CACNA1B: variants seen among roughly 807,000 people sequenced by gnomAD.
CACNA1B encodes the protein voltage-dependent N-type calcium channel subunit alpha-1B.
In CACNA1B, 70 loss-of-function variants were observed where a neutral mutation model predicts 247.2. That is an observed-to-expected ratio of 0.28 (90% CI 0.23 to 0.35). CACNA1B has a LOEUF of 0.35. Ranked by LOEUF, CACNA1B falls within the 10% of genes least tolerant of loss-of-function variation. CACNA1B has a pLI of 1.00. For synonymous variants in CACNA1B, 1,231 were observed against 1,294.4 expected (o/e 0.95, Z 1.05); for missense variants, 2,367 against 3,197.4 (o/e 0.74, Z 6.26).
chr9:137,890,621 G>A (rs1412819253), intron 3 of CACNA1B: 4 of 150,538 alleles, frequency 2.7e-5, no homozygotes, highest in African/African-American at 7.3e-5. Flanking sequence ...ACTGCAGGCC[G>A]GGCTCCAGGG....
rs74569187 is a variant in CACNA1B at position 137,971,702 on chromosome 9, A to C, written c.1543+110A>C. On this transcript the variant is annotated intron_variant, in intron 11 of 46. Transcript: ENST00000371372. This position sits in a 1 kb window ranked among gnomAD's most constrained non-coding sequence, Gnocchi z 4.4. ...CCCAGGTGGGACGGGACCCACCCCCATGTTGCTCAAAGTATCCCACAGCCC... is the reference window on the plus strand; with the variant it reads ...CCCAGGTGGGACGGGACCCACCCCCCTGTTGCTCAAAGTATCCCACAGCCC... The C allele has an allele frequency of 8.0e-6, 7 of 871,584 alleles. No homozygotes were observed. The highest frequency in any genetic ancestry group is 2.2e-5 in the Admixed American group (1 of 46,118). The allele number at this position is 871,584 out of a possible 1,614,324, so 54.0% of individuals were successfully genotyped here.
chr9:137,879,696 G>T (rs1016505409), intron 2 of CACNA1B, among the ~76,000 whole-genome samples: 5 of 152,194 alleles, frequency 3.3e-5, no homozygotes, highest in African/African-American at 7.2e-5. Context: ...CCTGTCCCCA[G>T]ATTCCAGCCA....
intron 10 of CACNA1B, among the ~76,000 whole-genome samples, chr9:137,970,933 C>A (rs1247694384): frequency 6.6e-6 from 1 of 152,200 alleles, no homozygotes; most frequent in Non-Finnish European, 1.5e-5. Flanking sequence ...GCAGCCCATG[C>A]GTGCTGACCC....
chr9:137,893,361 A>C (rs1297665217), intron 3 of CACNA1B, among the ~76,000 whole-genome samples: 1 of 151,386 alleles, frequency 6.6e-6, no homozygotes, highest in Non-Finnish European at 1.5e-5. Context: ...CTTTAAAAAA[A>C]AAAAAAACAC....
intron 15 of CACNA1B, among the ~76,000 whole-genome samples, chr9:137,989,291 C>T (rs1052898015): frequency 9.2e-5 from 14 of 152,110 alleles, no homozygotes; most frequent in Non-Finnish European, 1.8e-4. Flanking sequence ...GCAGAGTGAA[C>T]CGTACGCCGG....
intron 13 of CACNA1B, among the ~76,000 whole-genome samples, chr9:137,985,584 G>A (rs1406958709): frequency 6.6e-6 from 1 of 152,214 alleles, no homozygotes; most frequent in African/African-American, 2.4e-5. Flanking sequence ...AGGATAGCGG[G>A]GCCTCTGATG....
chr9:137,956,489 C>T (rs1957948811), intron 8 of CACNA1B, among the ~76,000 whole-genome samples: 1 of 152,120 alleles, frequency 6.6e-6, no homozygotes, highest in African/African-American at 2.4e-5. Flanking sequence ...GAAACCCCAT[C>T]TCTACTAAAA....
At chr9:137,910,470 G>A (rs928755020) in intron 3 of CACNA1B, among the ~76,000 whole-genome samples, 4 of 152,092 alleles carry the variant, frequency 2.6e-5, no homozygotes, top group East Asian at 1.9e-4. Flanking sequence ...ATTCAAGTGC[G>A]TTATTACATT....
intron 20 of CACNA1B, chr9:138,032,622 T>C: frequency 2.2e-6 from 1 of 449,802 alleles, no homozygotes; most frequent in South Asian, 1.6e-5. Context: ...TTTCCCTTCA[T>C]TCCTGAAGGG....
intron 6 of CACNA1B, among the ~76,000 whole-genome samples, chr9:137,920,534 C>T (rs1442894917): frequency 6.6e-6 from 1 of 152,230 alleles, no homozygotes; most frequent in East Asian, 1.9e-4. Context: ...CTGTATTTTC[C>T]ACTTGAAAGT....
chr9:138,033,964 A>G (rs1428770570), intron 20 of CACNA1B, among the ~76,000 whole-genome samples: 1 of 152,206 alleles, frequency 6.6e-6, no homozygotes, highest in African/African-American at 2.4e-5. Context: ...AGATGGGAAT[A>G]GAAGTATGGA....
chr9:137,940,347 A>G (rs562550632), intron 6 of CACNA1B, among the ~76,000 whole-genome samples: 2 of 152,216 alleles, frequency 1.3e-5, no homozygotes, highest in South Asian at 4.2e-4. Flanking sequence ...CTGGAATGAT[A>G]CAACCCTTCT....
chr9:138,086,550 T>A (rs573233926), intron 36 of CACNA1B, among the ~76,000 whole-genome samples: 4 of 150,820 alleles, frequency 2.7e-5, no homozygotes, highest in East Asian at 2.0e-4. Flanking sequence ...AGAAAAAAAA[T>A]TTTAGGGCAA....
intron 6 of CACNA1B, among the ~76,000 whole-genome samples, chr9:137,949,286 G>A (rs1957848339): frequency 1.2e-4 from 1 of 8,258 alleles, no homozygotes; most frequent in Admixed American, 1.8e-3. Context: ...GTGTGTGTTT[G>A]CGTGTCCTTT....
intron 18 of CACNA1B, among the ~76,000 whole-genome samples, 187 bp from the exon 19 acceptor site, chr9:138,022,824 G>C (rs1288983472): frequency 7.2e-5 from 11 of 152,120 alleles, no homozygotes; most frequent in Admixed American, 2.0e-4. Context: ...GGGGCGGCGG[G>C]GCTGAATTCG....
intron 20 of CACNA1B, 50 bp downstream of exon 20, chr9:138,025,222 A>G (rs1958907160): frequency 7.8e-7 from 1 of 1,281,118 alleles, no homozygotes; most frequent in African/African-American, 1.5e-5. Context: ...GTGCAGGTCC[A>G]GCAACCCCCA....
Position 138,121,597 on chromosome 9 carries a change from C to T in CACNA1B, c.6618C>T (p.Ala2206=). The change falls in exon 47 of 47, where the codon GCC becomes GCT. Residue 2206 remains alanine, a synonymous_variant. Coordinates refer to ENST00000371372, the MANE Select transcript of CACNA1B (RefSeq NM_000718.4). This position sits in a 1 kb window ranked among gnomAD's most constrained non-coding sequence, Gnocchi z 6.8. The stretch of plus-strand genomic sequence containing the variant: ...GCCCCAGCATCACCTACAAGACGGC[C>T]AACTCCTCACCCATCCACTTCGCCG... ...TPRPSITYKT[A]NSSPIHFAGA... 1 of 1,613,010 alleles carries T rather than the reference C, an allele frequency of 6.2e-7. No individual in the cohort carries two copies. Among genetic ancestry groups the T allele is most frequent in the Non-Finnish European group, 8.5e-7 (1 of 1,179,446 alleles).
intron 39 of CACNA1B, among the ~76,000 whole-genome samples, chr9:138,110,872 C>CTTT (rs1961603962): frequency 6.6e-6 from 1 of 151,946 alleles, no homozygotes; most frequent in Non-Finnish European, 1.5e-5. Context: ...CCAACCAAAA[C>CTTT]AGACAAAAGA....
At chr9:137,961,970 G>A (rs1482588495) in intron 10 of CACNA1B, among the ~76,000 whole-genome samples, 2 of 152,146 alleles carry the variant, frequency 1.3e-5, no homozygotes, top group Non-Finnish European at 2.9e-5. Flanking sequence ...GCTCATCTTT[G>A]TACCTCTGGG....
Sources: allele counts gnomAD v4.1 joint callset (sites outside exome capture counted in the v4.1 genomes callset), GRCh38; gene constraint gnomAD v4.1.1; non-coding constraint Gnocchi (gnomAD v3.1); transcripts MANE v1.5; gene names NCBI Gene and HGNC (gene_info 2026-07-23, HGNC 2026-07-21).